ZNF540: variants seen among roughly 807,000 people sequenced by gnomAD.
ZNF540 encodes CTD-3064H18.6.
ZNF540 carries 3 observed loss-of-function variants against 11.8 expected under a neutral mutation model. That is an observed-to-expected ratio of 0.25 (90% confidence interval 0.12 to 0.65). ZNF540 has a LOEUF of 0.65. Ranked by LOEUF, ZNF540 falls within the 30% of genes least tolerant of loss-of-function variation. The pLI, the probability that ZNF540 is intolerant of heterozygous loss-of-function variation, is 0.83. For synonymous variants in ZNF540, 247 were observed against 259.0 expected, an observed-to-expected ratio of 0.95 and a Z score of 0.45; for missense variants, 709 against 793.1, an observed-to-expected ratio of 0.89 and a Z score of 1.27.
At chr19:37,565,622 T>A in intron 1 of ZNF540, 1 of 1,613,516 alleles carries the variant, frequency 6.2e-7, no homozygotes, top group Non-Finnish European at 8.5e-7. Flanking sequence ...AATTCTCTGA[T>A]GAAGAGTATA....
Position 37,574,807 on chromosome 19 carries a change from C to G in ZNF540, c.-73+23142C>G, listed in dbSNP as rs577858037. On this transcript the variant is annotated intron_variant, in intron 1 of 4. Coordinates refer to the ZNF540 transcript ENST00000592533. ...CCTTATCTCACTTTTACTGGCTATA[C>G]TCCTAGCTATCTAATTTCCCAGAGT... 5.9e-5 allele frequency among the ~76,000 whole-genome samples: 9 copies of G among 152,266 alleles called. No homozygotes were observed. The East Asian group carries it at 1.7e-3, about 29-fold the overall frequency.
intron 4 of ZNF540, 157 bp from the exon 5 acceptor site, chr19:37,611,356 C>A: frequency 1.7e-6 from 1 of 582,682 alleles, no homozygotes; most frequent in Non-Finnish European, 2.8e-6. Flanking sequence ...GCTCATGTTG[C>A]CTAATTTCAA....
chr19:37,579,834 T>C (rs2043387010), intron 1 of ZNF540, among the ~76,000 whole-genome samples: 1 of 152,204 alleles, frequency 6.6e-6, no homozygotes, highest in Non-Finnish European at 1.5e-5. Context: ...TATACTTTTT[T>C]TGATCCAGCT....
chr19:37,565,075 T>C (rs370996609), intron 1 of ZNF540: 24 of 1,612,992 alleles, frequency 1.5e-5, no homozygotes, highest in African/African-American at 2.7e-5. Flanking sequence ...CCTTTCCACA[T>C]TCCTTACATT....
intron 1 of ZNF540, chr19:37,564,078 C>A (rs529471607): frequency 6.6e-6 from 1 of 152,210 alleles, no homozygotes; most frequent in East Asian, 1.9e-4. Context: ...TCCTTCATAC[C>A]TTTACTATAC....
chr19:37,589,502 C>T (rs573757695), intron 1 of ZNF540, among the ~76,000 whole-genome samples: 5 of 151,494 alleles, frequency 3.3e-5, no homozygotes, highest in East Asian at 1.9e-4. Context: ...AAAAAGTCAA[C>T]GGTCATTCAA....
chr19:37,600,315 C>T (rs1310623695), intron 3 of ZNF540, among the ~76,000 whole-genome samples: 1 of 152,182 alleles, frequency 6.6e-6, no homozygotes, highest in African/African-American at 2.4e-5. Context: ...CAAACCTCAG[C>T]ATCACACAAT....
rs1220294833 is a variant in ZNF540, at chr19:37,569,599, C to T, written c.-73+17934C>T. Among the ~76,000 whole-genome samples the T allele has an allele frequency of 6.6e-6, 1 of 152,132 alleles. No individual in the cohort carries two copies. The highest frequency in any genetic ancestry group is 1.5e-5 in the Non-Finnish European group (1 of 68,016). ...CCTGTTTTATTAAAAACAACAAGTGCTGCTTATAACCTACTAGGTTGTATT... is the reference window on the plus strand; with the variant it reads ...CCTGTTTTATTAAAAACAACAAGTGTTGCTTATAACCTACTAGGTTGTATT... On this transcript the variant is annotated intron_variant, in intron 1 of 4. Coordinates refer to the ZNF540 transcript ENST00000592533. This position sits in a 1 kb window ranked among gnomAD's most constrained non-coding sequence, Gnocchi z 4.4.
intron 4 of ZNF540, among the ~76,000 whole-genome samples, chr19:37,609,873 A>G (rs780607247): frequency 6.6e-6 from 1 of 152,142 alleles, no homozygotes; most frequent in Non-Finnish European, 1.5e-5. Flanking sequence ...AAAGAAAAAA[A>G]AAGAAAAGAA....
chr19:37,555,878 G>A, intron 1 of ZNF540: 1 of 700,706 alleles, frequency 1.4e-6, no homozygotes, highest in Non-Finnish European at 2.6e-6. Context: ...TTTAGGACGA[G>A]AAGCACGAGT....
At chr19:37,600,540 G>A (rs929717418) in intron 3 of ZNF540, among the ~76,000 whole-genome samples, 12 of 151,846 alleles carry the variant, frequency 7.9e-5, no homozygotes, top group African/African-American at 2.4e-4. Context: ...TATATACCAG[G>A]CATCATTCTA....
chr19:37,585,519 A>AGACT, intron 1 of ZNF540: 1 of 152,348 alleles, frequency 6.6e-6, no homozygotes, highest in East Asian at 1.9e-4. Context: ...CAATGACCTG[A>AGACT]GACTGCACAT....
chr19:37,552,950 C>CA (rs1023247382), intron 1 of ZNF540, among the ~76,000 whole-genome samples: 32 of 147,224 alleles, frequency 2.2e-4, no homozygotes, highest in African/African-American at 8.0e-4. Flanking sequence ...CTGTCTCGAA[C>CA]AAAAAAAGAC....
In ZNF540 at chr19:37,611,713, GT is replaced by G; in HGVS notation, c.434del (p.Val145AlafsTer16). The G allele has an allele frequency of 6.2e-7, 1 of 1,613,682 alleles. No individual in the cohort carries two copies. Among genetic ancestry groups the G allele is most frequent in the South Asian group, 1.1e-5 (1 of 91,046 alleles). ...KERSISQKKI[V>X]SKKMSTDRKR... ...AAGATCTATCAGTCAAAAGAAAATC[GT>G]CTCTAAAAAAATGTCAACTGATAGA... On this transcript the variant is annotated frameshift_variant, in exon 5 of 5. Coordinates refer to ENST00000316433, the MANE Select transcript of ZNF540 (RefSeq NM_001172225.3). LOFTEE classifies it low-confidence loss of function (END_TRUNC).
At position 37,612,831 on chromosome 19, in the gene ZNF540, C is replaced by T. The variant is rs147159252; in HGVS notation, c.1551C>T (p.His517=). 9.8e-5 allele frequency: 158 copies of T among 1,614,068 alleles called. No individual in the cohort carries two copies. The highest frequency in any genetic ancestry group is 1.3e-4 in the East Asian group (6 of 44,880). ...ACCTTACTGAACACCAGAGAATTCA[C>T]ACTGGTGAAAAGCCCTATAAATGTA... ...GFYLTEHQRI[H]TGEKPYKCKE... is the part of the protein sequence containing the mutation. Residue 517 remains histidine, a synonymous_variant, in exon 5 of 5, where the codon CAC becomes CAT. Transcript: ENST00000316433.
At chr19:37,566,284 T>G (rs1190624101) in intron 1 of ZNF540, 1 of 1,603,700 alleles carries the variant, frequency 6.2e-7, no homozygotes, top group African/African-American at 1.3e-5. Flanking sequence ...CACAACTGGA[T>G]TCCAAGTCTG....
rs749401819 is a variant in ZNF540, at chr19:37,611,964, T to C, written c.684T>C (p.Tyr228=). The change falls in exon 5 of 5, where the codon TAT becomes TAC. Residue 228 remains tyrosine (Y), a synonymous_variant. Coordinates refer to ENST00000316433, the MANE Select transcript of ZNF540 (RefSeq NM_001172225.3). ...GTGGGAAAGTTTTTAGTCATAGCTA[T>C]CAACTTACTCTGCATCAGAGATTTC... ...EKCGKVFSHS[Y]QLTLHQRFHT... 5.0e-6 allele frequency: 8 copies of C among 1,613,508 alleles called. No homozygotes were observed. The highest frequency in any genetic ancestry group is 6.8e-6 in the Non-Finnish European group (8 of 1,179,954).
rs555370982 is a variant in ZNF540, at chr19:37,613,359, ATTAAC to A, written c.*101_*105del. 5.7e-6 allele frequency: 5 copies of A among 884,714 alleles called. No homozygotes were observed. Among genetic ancestry groups the A allele is most frequent in the African/African-American group, 1.7e-5 (1 of 59,330 alleles). The allele number at this position is 884,714 out of a possible 1,614,324, so 54.8% of individuals were successfully genotyped here. The stretch of plus-strand genomic sequence containing the variant: ...AATGTGTTGATGTTTTTTTACACAT[ATTAAC>A]TTAATAAATGTATGAGTCTTAAATA... On this transcript the variant is annotated 3_prime_UTR_variant, in exon 5 of 5. Transcript: ENST00000316433.
At chr19:37,595,572 T>C (rs1387054977) in intron 1 of ZNF540, 3 of 152,170 alleles carry the variant, frequency 2.0e-5, no homozygotes, top group East Asian at 1.9e-4. Flanking sequence ...GTGAGCATAA[T>C]ATGGTGAGAA....
Sources: gnomAD v4.1 joint callset for allele counts (sites outside exome capture counted in the v4.1 genomes callset) on GRCh38, gnomAD v4.1.1 for gene constraint, Gnocchi (gnomAD v3.1) non-coding constraint, MANE v1.5 for transcripts, NCBI Gene and HGNC (gene_info 2026-07-23, HGNC 2026-07-21) for gene names.